Variants in FSTL4 observed in about 807,000 individuals in gnomAD.
The protein encoded by FSTL4 is follistatin like 4.
A neutral mutation model predicts 78.2 loss-of-function variants in FSTL4; 28 were observed. The ratio of observed to expected loss-of-function variants is 0.36; its 90% CI spans 0.27 to 0.49. FSTL4 has a LOEUF of 0.49. FSTL4 is among the 20% of genes least tolerant of loss of function. FSTL4 has a pLI of 0.98. For synonymous variants in FSTL4, 422 were observed against 440.5 expected (o/e 0.96, Z 0.53); for missense variants, 922 against 1,084.9 (o/e 0.85, Z 2.11).
At chr5:133,780,073 TC>T in the FSTL4 span, among the ~76,000 whole-genome samples, 1 of 152,132 alleles carries the variant, frequency 6.6e-6, no homozygotes, top group African/African-American at 2.4e-5. Flanking sequence ...ACAAGAGGGC[TC>T]GCAGGTGCAC....
In FSTL4 at chr5:133,315,118, C is replaced by T. The variant is rs193246073; in HGVS notation, c.603+1341G>A. ...CAGAGGCTGCAACGAGCCAAGATTG[C>T]GCTACTGCACTCCAGTCTGGGTGAC... On this transcript the variant is annotated intron_variant, in intron 5 of 15. Transcript: ENST00000265342. 1.6e-3 allele frequency among the ~76,000 whole-genome samples: 237 copies of T among 152,256 alleles called. 2 individuals carry two copies. Among genetic ancestry groups the T allele is most frequent in the African/African-American group, 5.0e-3 (209 of 41,544 alleles).
chr5:133,703,152 T>A, the FSTL4 span, among the ~76,000 whole-genome samples: 32 of 152,370 alleles, frequency 2.1e-4, no homozygotes, highest in South Asian at 6.2e-3. Context: ...TTAAGCAATA[T>A]GCAAATATGC....
the FSTL4 span, among the ~76,000 whole-genome samples, chr5:133,795,018 C>A: frequency 6.6e-6 from 1 of 152,152 alleles, no homozygotes; most frequent in African/African-American, 2.4e-5. Flanking sequence ...TTTTCATAAC[C>A]AGAAGAATTT....
intron 3 of FSTL4, among the ~76,000 whole-genome samples, chr5:133,499,911 G>A (rs1758454735): frequency 6.6e-6 from 1 of 152,100 alleles, no homozygotes; most frequent in Admixed American, 6.5e-5. Flanking sequence ...TGTATTTAAT[G>A]GCCCGCTCTG....
the FSTL4 span, among the ~76,000 whole-genome samples, chr5:133,619,304 T>C: frequency 5.1e-4 from 77 of 152,308 alleles, no homozygotes; most frequent in East Asian, 0.013. Context: ...AAAAAGAACC[T>C]AGGTCCTTAA....
intron 3 of FSTL4, among the ~76,000 whole-genome samples, chr5:133,403,279 G>A (rs1181936580): frequency 2.0e-5 from 3 of 152,108 alleles, no homozygotes; most frequent in Non-Finnish European, 4.4e-5. Flanking sequence ...TGGCCTCTCC[G>A]AGCCTGCTTC....
At chr5:133,288,624 G>A (rs562915838) in intron 6 of FSTL4, among the ~76,000 whole-genome samples, 2 of 152,362 alleles carry the variant, frequency 1.3e-5, no homozygotes, top group South Asian at 2.1e-4. Flanking sequence ...AGCTTTTAAA[G>A]AGCCTCTGCC....
intron 3 of FSTL4, among the ~76,000 whole-genome samples, chr5:133,547,212 A>T (rs1326756278): frequency 6.7e-6 from 1 of 150,182 alleles, no homozygotes; most frequent in Non-Finnish European, 1.5e-5. Flanking sequence ...GGGGCCTGAT[A>T]CTCCTTTCTT....
At chr5:133,784,313 G>A in the FSTL4 span, among the ~76,000 whole-genome samples, 1 of 152,140 alleles carries the variant, frequency 6.6e-6, no homozygotes. Context: ...CACATATTAA[G>A]TCTATTTTAT....
intron 4 of FSTL4, among the ~76,000 whole-genome samples, chr5:133,340,034 C>T (rs530856870): frequency 7.9e-5 from 12 of 152,266 alleles, no homozygotes; most frequent in South Asian, 6.2e-4. Context: ...CAGGATAGGC[C>T]GGAGGGCGTG....
At chr5:133,251,560 T>C (rs1752239958) in intron 6 of FSTL4, among the ~76,000 whole-genome samples, 1 of 152,106 alleles carries the variant, frequency 6.6e-6, no homozygotes, top group Admixed American at 6.6e-5. Context: ...CTGCTGCCTA[T>C]TGACCATCTC....
At chr5:133,788,192 G>A in the FSTL4 span, among the ~76,000 whole-genome samples, 7 of 152,188 alleles carry the variant, frequency 4.6e-5, no homozygotes, top group African/African-American at 1.4e-4. Context: ...GTGAGATGGG[G>A]AGATCAGAAG....
chr5:133,421,067 GT>G (rs1217658541), intron 3 of FSTL4, among the ~76,000 whole-genome samples: 1 of 152,178 alleles, frequency 6.6e-6, no homozygotes, highest in Non-Finnish European at 1.5e-5. Flanking sequence ...ACCTTGAACA[GT>G]GACCTGGTCA....
At chr5:133,637,597 A>G in the FSTL4 span, among the ~76,000 whole-genome samples, 1 of 151,794 alleles carries the variant, frequency 6.6e-6, no homozygotes, top group Non-Finnish European at 1.5e-5. Context: ...TTTTCTTTCT[A>G]TCTCCTTGGC....
chr5:133,565,159 C>A (rs1759999842), intron 3 of FSTL4, among the ~76,000 whole-genome samples: 1 of 152,190 alleles, frequency 6.6e-6, no homozygotes, highest in Non-Finnish European at 1.5e-5. Flanking sequence ...TCATCTGTTC[C>A]TCTTTCAGTC....
chr5:133,727,311 C>T, the FSTL4 span, among the ~76,000 whole-genome samples: 1 of 152,044 alleles, frequency 6.6e-6, no homozygotes, highest in Non-Finnish European at 1.5e-5. Context: ...AGAATCATTG[C>T]AGACAGACCA....
intron 3 of FSTL4, among the ~76,000 whole-genome samples, chr5:133,479,464 T>TTGTG (rs1443944863): frequency 3.9e-5 from 6 of 152,220 alleles, no homozygotes; most frequent in Non-Finnish European, 5.9e-5. Context: ...AAGATGTTCA[T>TTGTG]CAGCCGATGA....
At chr5:133,442,530 C>T (rs867758749) in intron 3 of FSTL4, among the ~76,000 whole-genome samples, 3 of 152,088 alleles carry the variant, frequency 2.0e-5, no homozygotes, top group African/African-American at 7.2e-5. Flanking sequence ...AATCCTCATC[C>T]GTTTTTGACC....
intron 3 of FSTL4, among the ~76,000 whole-genome samples, chr5:133,552,693 T>C (rs1388710501): frequency 6.6e-6 from 1 of 152,180 alleles, no homozygotes; most frequent in East Asian, 1.9e-4. Context: ...GAAACAAATA[T>C]GGAACAGAAA....
Sources: allele counts gnomAD v4.1 joint callset (sites outside exome capture counted in the v4.1 genomes callset), GRCh38; gene constraint gnomAD v4.1.1; transcripts MANE v1.5; gene names NCBI Gene and HGNC (gene_info 2026-07-23, HGNC 2026-07-21).